AP4M1: variants seen among roughly 807,000 people sequenced by gnomAD.
The protein encoded by AP4M1 is adaptor related protein complex 4 subunit mu 1.
In AP4M1, 58 loss-of-function variants were observed where a neutral mutation model predicts 62.4. The ratio of observed to expected loss-of-function variants is 0.93; its 90% CI spans 0.75 to 1.16. The LOEUF (loss-of-function observed/expected upper bound fraction) is 1.16. AP4M1 is among the 50% of genes most tolerant of loss of function. AP4M1 has a pLI of 0.00. For synonymous variants in AP4M1, 290 were observed against 239.7 expected (o/e 1.21, Z -1.94); for missense variants, 626 against 585.4 (o/e 1.07, Z -0.72).
chr7:100,108,890 G>A lies in AP4M1; in HGVS notation c.*2008G>A. 1 of 188,606 alleles carries A rather than the reference G, an allele frequency of 5.3e-6. No homozygotes were observed. The highest frequency in any genetic ancestry group is 1.1e-5 in the Non-Finnish European group (1 of 90,814). The allele number at this position is 188,606 out of a possible 1,614,324, so 11.7% of individuals were successfully genotyped here. A position where few individuals can be genotyped will look rare whatever the true frequency, so the allele number is the denominator to read the frequency against. The stretch of plus-strand genomic sequence containing the variant: ...AATACAAAAACTAGCCAGGCATGGT[G>A]GCACGCACCTGTAGTCCCAGCTACT... On this transcript the variant is annotated 3_prime_UTR_variant, in exon 15 of 15. Coordinates refer to ENST00000359593, the MANE Select transcript of AP4M1 (RefSeq NM_004722.4).
rs2116667479 is a variant in AP4M1 at position 100,106,221 on chromosome 7, T to G, written c.975-20T>G. The stretch of plus-strand genomic sequence containing the variant: ...GACTGTGCCTTCCTGGGGCTGACTT[T>G]GTTCCCGTCTCCTCTGTAGCCAAGC... On this transcript the variant is annotated intron_variant, in intron 12 of 14. Transcript: ENST00000359593. 1 of 1,614,070 alleles carries G rather than the reference T, an allele frequency of 6.2e-7. No homozygotes were observed. Among genetic ancestry groups the G allele is most frequent in the Non-Finnish European group, 8.5e-7 (1 of 1,179,986 alleles).
intron 12 of AP4M1, 90 bp downstream of exon 12, chr7:100,106,093 G>A (rs1323954424): frequency 1.9e-6 from 3 of 1,563,502 alleles, no homozygotes; most frequent in Admixed American, 3.4e-5. Flanking sequence ...AGATGCAGCT[G>A]CCAGCCTCAG....
chr7:100,101,940 T>G lies in AP4M1; in HGVS notation c.119T>G (p.Leu40Arg). 1 of 1,613,188 alleles carries G rather than the reference T, an allele frequency of 6.2e-7. No individual in the cohort carries two copies. The highest frequency in any genetic ancestry group is 8.5e-7 in the Non-Finnish European group (1 of 1,179,966). Residue 40 changes from leucine (L) to arginine (R), a missense_variant, in exon 2 of 15, where the codon CTG becomes CGG. By Grantham distance (102) the Leu-to-Arg change is moderately radical. Coordinates refer to ENST00000359593, the MANE Select transcript of AP4M1 (RefSeq NM_004722.4). ...CTCTTCTACCGGAAGCTGACGGGAC[T>G]GCCAGGAGACGAGTCCCCGGTTGTC... ...AELFYRKLTG[L>R]PGDESPVVMH...
Position 100,105,556 on chromosome 7 carries a change from G to T in AP4M1, c.929+17G>T. On this transcript the variant is annotated intron_variant, in intron 11 of 14. Coordinates refer to ENST00000359593, the MANE Select transcript of AP4M1 (RefSeq NM_004722.4). ...CTCAGGCCGGTGAGACAATTTCCTGGGTTCTAGAACTACCTTGGAACCCAA... is the reference window on the plus strand; with the variant it reads ...CTCAGGCCGGTGAGACAATTTCCTGTGTTCTAGAACTACCTTGGAACCCAA... 6.2e-7 allele frequency: 1 copy of T among 1,606,998 alleles called. No homozygotes were observed. Among genetic ancestry groups the T allele is most frequent in the Non-Finnish European group, 8.5e-7 (1 of 1,176,324 alleles).
In AP4M1 at chr7:100,104,869, C is replaced by T. The variant is rs1302950292; in HGVS notation, c.607-5C>T. On this transcript the variant is annotated splice_polypyrimidine_tract_variant and splice_region_variant and intron_variant, in intron 7 of 14. Transcript: ENST00000359593. ...GACTCTAACCTTGACGCCCCTGCCT[C>T]TCAGGGATCCCTGCTGAAGGTGGAT... 1.2e-6 allele frequency: 2 copies of T among 1,614,008 alleles called. No individual in the cohort carries two copies. Among genetic ancestry groups the T allele is most frequent in the South Asian group, 1.1e-5 (1 of 91,078 alleles).
Position 100,108,056 on chromosome 7 carries a change from A to G in AP4M1, c.*1174A>G, listed in dbSNP as rs1382089786. The stretch of plus-strand genomic sequence containing the variant: ...GACAGGAAGTGCGATGGAGCCAGGA[A>G]CCTTCAGCAAGCCAGGGGTGCGAGG... On this transcript the variant is annotated 3_prime_UTR_variant, in exon 15 of 15. Transcript: ENST00000359593. 1 of 1,613,038 alleles carries G rather than the reference A, an allele frequency of 6.2e-7. No individual in the cohort carries two copies. The highest frequency in any genetic ancestry group is 1.3e-5 in the African/African-American group (1 of 74,988).
Position 100,108,626 on chromosome 7 carries a change from A to G in AP4M1, c.*1744A>G. On this transcript the variant is annotated 3_prime_UTR_variant, in exon 15 of 15. Coordinates refer to ENST00000359593, the MANE Select transcript of AP4M1 (RefSeq NM_004722.4). Reference sequence around the variant, plus strand: ...AGGGCTGGTGACACTCTTGAGAAGAACCTTGGGGATGGGGTAAAAAAGGAC... The same window carrying G: ...AGGGCTGGTGACACTCTTGAGAAGAGCCTTGGGGATGGGGTAAAAAAGGAC... The G allele has an allele frequency of 1.4e-6, 2 of 1,446,376 alleles. No individual in the cohort carries two copies. Among genetic ancestry groups the G allele is most frequent in the Non-Finnish European group, 1.9e-6 (2 of 1,076,584 alleles). 89.6% of individuals were successfully genotyped at this position (1,446,376 alleles called of 1,614,324 possible). A position where few individuals can be genotyped will look rare whatever the true frequency, so the allele number is the denominator to read the frequency against.
chr7:100,103,971 C>T (rs997268999), intron 6 of AP4M1, 121 bp from the exon 7 acceptor site: 4 of 866,722 alleles, frequency 4.6e-6, no homozygotes, highest in Admixed American at 1.9e-5. Flanking sequence ...TGATCCCTTC[C>T]ATCACCCATG....
At chr7:100,103,032 G>A (rs1796185572) in intron 4 of AP4M1, 72 bp downstream of exon 4, 2 of 1,340,698 alleles carry the variant, frequency 1.5e-6, no homozygotes, top group East Asian at 2.3e-5. Flanking sequence ...TTCTACTGTG[G>A]GATGCCGTGG....
chr7:100,102,156 G>A (rs939310344), intron 2 of AP4M1, 188 bp downstream of exon 2: 1 of 675,510 alleles, frequency 1.5e-6, no homozygotes, highest in Non-Finnish European at 2.6e-6. Flanking sequence ...CGAGGCGGGC[G>A]GATCACCTGA....
At chr7:100,104,848 C>CT (rs1562908699) in intron 7 of AP4M1, 26 bp from the exon 8 acceptor site, 2 of 1,612,650 alleles carry the variant, frequency 1.2e-6, no homozygotes, top group Non-Finnish European at 1.7e-6. Context: ...AAAAAAGACT[C>CT]TAACCTTGAC....
chr7:100,101,325 C>A (rs764865980), upstream of AP4M1: 5 of 1,612,714 alleles, frequency 3.1e-6, no homozygotes, highest in Non-Finnish European at 3.4e-6. Context: ...CCGCGCTTGG[C>A]GGGCTCAGAG....
chr7:100,101,659 G>A lies in AP4M1; in HGVS notation c.-56G>A, dbSNP rs1007001955. 1 of 1,522,898 alleles carries A rather than the reference G, an allele frequency of 6.6e-7. No homozygotes were observed. The highest frequency in any genetic ancestry group is 9.1e-7 in the Non-Finnish European group (1 of 1,098,300). The allele number at this position is 1,522,898 out of a possible 1,614,324, so 94.3% of individuals were successfully genotyped here. A position where few individuals can be genotyped will look rare whatever the true frequency, so the allele number is the denominator to read the frequency against. On this transcript the variant is annotated 5_prime_UTR_variant, in exon 1 of 15. Transcript: ENST00000359593. ...ACACGCGTTCTTTTGTTCCGGGGCC[G>A]CAGGGCGGGGCAGGCCCGACTTTCG...
chr7:100,102,030 C>T (rs774050603), intron 2 of AP4M1, 62 bp downstream of exon 2: 3 of 1,572,992 alleles, frequency 1.9e-6, no homozygotes, highest in South Asian at 1.1e-5. Context: ...GGCGCCAGCT[C>T]CCTCCCAGGA....
At position 100,107,953 on chromosome 7, in the gene AP4M1, C is replaced by T. The variant is rs760961569; in HGVS notation, c.*1071C>T. 19 of 1,612,876 alleles carry T rather than the reference C, an allele frequency of 1.2e-5. No homozygotes were observed. Among genetic ancestry groups the T allele is most frequent in the African/African-American group, 1.3e-5 (1 of 74,828 alleles). Reference sequence around the variant, plus strand: ...GCTGGGTGGATGGGGCGCTGGAGGACGATGACATTACAATAAACTTGGTTG... The same window carrying T: ...GCTGGGTGGATGGGGCGCTGGAGGATGATGACATTACAATAAACTTGGTTG... On this transcript the variant is annotated 3_prime_UTR_variant, in exon 15 of 15. Coordinates refer to ENST00000359593, the MANE Select transcript of AP4M1 (RefSeq NM_004722.4).
At chr7:100,104,377 AC>A (rs554825386) in intron 7 of AP4M1, among the ~76,000 whole-genome samples, 3 of 151,830 alleles carry the variant, frequency 2.0e-5, no homozygotes, top group Non-Finnish European at 4.4e-5. Flanking sequence ...TAAACAAATT[AC>A]CCAGACATGG....
In AP4M1 at chr7:100,106,224, TCCCGTCTCCTCTGTAGC is replaced by T. The variant is rs1796463041; in HGVS notation, c.975-15_976del. 6.2e-7 allele frequency: 1 copy of T among 1,613,914 alleles called. No homozygotes were observed. The highest frequency in any genetic ancestry group is 8.5e-7 in the Non-Finnish European group (1 of 1,180,002). On this transcript the variant is annotated splice_acceptor_variant and splice_polypyrimidine_tract_variant and coding_sequence_variant and intron_variant, in exon 13 of 15. Transcript: ENST00000359593. LOFTEE classifies it high-confidence loss of function. ...TGTGCCTTCCTGGGGCTGACTTTGT[TCCCGTCTCCTCTGTAGC>T]CAAGCCCTCAATGTCAGGCTGCACC...
rs1217838736 is a variant in AP4M1, at chr7:100,107,190, G to A, written c.*308G>A. 73 of 1,518,824 alleles carry A rather than the reference G, an allele frequency of 4.8e-5. No homozygotes were observed. The highest frequency in any genetic ancestry group is 2.5e-4 in the Middle Eastern group (1 of 4,044). 94.1% of individuals were successfully genotyped at this position (1,518,824 alleles called of 1,614,324 possible). ...GCTTAGCGAGCATGCATGTGTGTACGTGCACGTGTGTACATGTCTGCATGT... is the reference window on the plus strand; with the variant it reads ...GCTTAGCGAGCATGCATGTGTGTACATGCACGTGTGTACATGTCTGCATGT... On this transcript the variant is annotated 3_prime_UTR_variant, in exon 15 of 15. Coordinates refer to ENST00000359593, the MANE Select transcript of AP4M1 (RefSeq NM_004722.4).
At chr7:100,101,440 C>T, upstream of AP4M1, 4 of 1,097,192 alleles carry the variant, frequency 3.6e-6, no homozygotes, top group Middle Eastern at 2.3e-4. Flanking sequence ...CCACTGCGTG[C>T]GGGCCAATCG....
Sources: allele counts gnomAD v4.1 joint callset (sites outside exome capture counted in the v4.1 genomes callset), GRCh38; gene constraint gnomAD v4.1.1; transcripts MANE v1.5; gene names NCBI Gene and HGNC (gene_info 2026-07-23, HGNC 2026-07-21).